The following CDH18 variants were observed in gnomAD, a reference collection of about 807,000 sequenced individuals.
CDH18 encodes cadherin-18.
Under a neutral mutation model 67.9 loss-of-function variants are expected in CDH18, and 31 were observed. The observed-to-expected ratio is 0.46, with a 90% CI of 0.34 to 0.62. The LOEUF is 0.62. CDH18 is among the 20% of genes least tolerant of loss of function. The pLI is 0.01. For synonymous variants in CDH18, 362 were observed against 347.2 expected, an observed-to-expected ratio of 1.04 and a Z score of -0.48; for missense variants, 890 against 975.5, an observed-to-expected ratio of 0.91 and a Z score of 1.17.
chr5:19,638,930 T>C (rs1349226513), intron 5 of CDH18, among the ~76,000 whole-genome samples: 2 of 143,752 alleles, frequency 1.4e-5, no homozygotes, highest in African/African-American at 5.2e-5. Context: ...TCAAAGGACC[T>C]GCTTTCATCC....
At chr5:20,253,638 A>T (rs565274422) in intron 2 of CDH18, among the ~76,000 whole-genome samples, 7 of 152,174 alleles carry the variant, frequency 4.6e-5, no homozygotes, top group Non-Finnish European at 1.0e-4. Flanking sequence ...TGACCAAACC[A>T]AGGAAAGACT....
intron 2 of CDH18, among the ~76,000 whole-genome samples, chr5:20,252,809 C>T (rs890936832): frequency 6.6e-6 from 1 of 151,690 alleles, no homozygotes; most frequent in Admixed American, 6.6e-5. Context: ...TGGTGGTGGG[C>T]GCCTGTAGTC....
At chr5:19,977,304 T>A (rs1212967083) in intron 2 of CDH18, among the ~76,000 whole-genome samples, 1 of 152,162 alleles carries the variant, frequency 6.6e-6, no homozygotes, top group East Asian at 1.9e-4. Context: ...CTCGGCAAAC[T>A]GGTGCTTTCA....
At chr5:19,903,541 G>GTGTGTATATATATATA (rs374931710) in intron 2 of CDH18, among the ~76,000 whole-genome samples, 7 of 124,730 alleles carry the variant, frequency 5.6e-5, no homozygotes, top group African/African-American at 2.0e-4. Flanking sequence ...GTGTGTGTGT[G>GTGTGTATATATATATA]TATATATATA....
chr5:19,475,428 G>T (rs1195694450), intron 12 of CDH18, among the ~76,000 whole-genome samples: 1 of 151,700 alleles, frequency 6.6e-6, no homozygotes, highest in Non-Finnish European at 1.5e-5. Flanking sequence ...AAAGAATTTT[G>T]AATCAGAATT....
At chr5:20,384,905 C>T (rs1460925344) in intron 1 of CDH18, among the ~76,000 whole-genome samples, 1 of 152,012 alleles carries the variant, frequency 6.6e-6, no homozygotes, top group Non-Finnish European at 1.5e-5. Context: ...GGTGTGATCG[C>T]GGCTCGCTGC....
chr5:20,243,146 A>G (rs572090736), intron 2 of CDH18, among the ~76,000 whole-genome samples: 17 of 152,032 alleles, frequency 1.1e-4, no homozygotes, highest in Non-Finnish European at 2.1e-4. Context: ...TCCTGGGTGT[A>G]GTCTCTCTTC....
intron 1 of CDH18, among the ~76,000 whole-genome samples, chr5:20,321,525 C>CT (rs971728992): frequency 3.3e-5 from 5 of 151,998 alleles, no homozygotes; most frequent in East Asian, 1.9e-4. Context: ...TTTCACATTA[C>CT]TTTTTTTAAA....
At chr5:20,409,559 A>G (rs1425596885) in intron 1 of CDH18, among the ~76,000 whole-genome samples, 3 of 151,746 alleles carry the variant, frequency 2.0e-5, no homozygotes, top group Non-Finnish European at 4.4e-5. Flanking sequence ...TACCTACTTA[A>G]TAAAATAAAG....
chr5:20,472,830 T>C (rs904359538), intron 1 of CDH18, among the ~76,000 whole-genome samples: 2 of 152,234 alleles, frequency 1.3e-5, no homozygotes, highest in Non-Finnish European at 2.9e-5. Flanking sequence ...GATAAATACA[T>C]GCATCCCTCA....
intron 1 of CDH18, among the ~76,000 whole-genome samples, chr5:20,442,991 C>T (rs1303504271): frequency 1.3e-5 from 2 of 151,254 alleles, no homozygotes; most frequent in Admixed American, 6.6e-5. Context: ...GGGCGGATCA[C>T]GAGGTCAGGA....
At chr5:20,569,347 G>C (rs1318433762) in intron 1 of CDH18, among the ~76,000 whole-genome samples, 2 of 152,118 alleles carry the variant, frequency 1.3e-5, no homozygotes, top group African/African-American at 4.8e-5. Flanking sequence ...GCTCGGCCAG[G>C]CGCCATGGCT....
chr5:20,078,201 C>T (rs1458240591), intron 2 of CDH18, among the ~76,000 whole-genome samples: 1 of 152,162 alleles, frequency 6.6e-6, no homozygotes, highest in African/African-American at 2.4e-5. Flanking sequence ...GTGGCTTACG[C>T]CTGTAATCCC....
intron 1 of CDH18, among the ~76,000 whole-genome samples, chr5:20,528,442 G>A (rs1186130119): frequency 6.6e-6 from 1 of 151,970 alleles, no homozygotes; most frequent in Non-Finnish European, 1.5e-5. Flanking sequence ...AAAAACAACA[G>A]AATATACATT....
chr5:19,936,702 A>G (rs1470175050), intron 2 of CDH18, among the ~76,000 whole-genome samples: 1 of 151,136 alleles, frequency 6.6e-6, no homozygotes, highest in East Asian at 1.9e-4. Context: ...GATTCTGAAT[A>G]TATTTCTTGA....
At chr5:20,126,119 C>G (rs1464002099) in intron 2 of CDH18, among the ~76,000 whole-genome samples, 1 of 152,068 alleles carries the variant, frequency 6.6e-6, no homozygotes, top group Non-Finnish European at 1.5e-5. Flanking sequence ...GACAGGCATA[C>G]AGATTGATGG....
rs201940034 is a variant in CDH18 at position 19,471,366 on chromosome 5, GCTTA to G, written c.*1856_*1859del. On this transcript the variant is annotated 3_prime_UTR_variant, in exon 13 of 13. Transcript: ENST00000382275. ...ACAAATTGAGAATTATTCAAATTAA[GCTTA>G]CTTACTTCCCATACCTCAAATTATA... is the stretch of plus-strand genomic sequence containing the variant. Among the ~76,000 whole-genome samples the G allele has an allele frequency of 7.2e-5, 11 of 152,166 alleles. No individual in the cohort carries two copies. The East Asian group carries it at 1.9e-3, about 27-fold the overall frequency.
intron 2 of CDH18, among the ~76,000 whole-genome samples, chr5:20,210,570 C>T (rs544559732): frequency 8.6e-5 from 13 of 151,898 alleles, no homozygotes; most frequent in African/African-American, 3.1e-4. Flanking sequence ...AGTAGTAGTT[C>T]TGAAATTATT....
intron 2 of CDH18, among the ~76,000 whole-genome samples, chr5:19,849,467 A>T (rs1024493530): frequency 1.3e-5 from 2 of 151,760 alleles, no homozygotes; most frequent in African/African-American, 2.4e-5. Context: ...GAAAGAATTG[A>T]ACCACCAATT....
Sources: gnomAD v4.1 joint callset for allele counts (sites outside exome capture counted in the v4.1 genomes callset) on GRCh38, gnomAD v4.1.1 for gene constraint, MANE v1.5 for transcripts, NCBI Gene and HGNC (gene_info 2026-07-23, HGNC 2026-07-21) for gene names.